The following FGGY variants were observed in gnomAD, a reference collection of about 807,000 sequenced individuals.
FGGY encodes the protein FGGY carbohydrate kinase domain-containing protein.
FGGY carries 72 observed loss-of-function variants against 71.3 expected under a neutral mutation model. The observed-to-expected ratio is 1.01, with a 90% CI of 0.84 to 1.23. The LOEUF is 1.23. Ranked by LOEUF, FGGY falls within the 50% of genes most tolerant of loss-of-function variation. The probability of loss-of-function intolerance (pLI) is 0.00; values close to 1 mark genes in which losing one functional copy is unlikely to be tolerated. For synonymous variants in FGGY, 251 were observed against 250.3 expected (o/e 1.00, Z -0.02); for missense variants, 668 against 682.3 (o/e 0.98, Z 0.23).
At chr1:59,673,578 T>A (rs1238268556) in intron 13 of FGGY, 1 of 164,586 alleles carries the variant, frequency 6.1e-6, no homozygotes, top group Non-Finnish European at 1.3e-5. Flanking sequence ...TGCTATCTCC[T>A]TTCCCTTAGC....
At chr1:59,589,223 T>C (rs551588453) in intron 8 of FGGY, among the ~76,000 whole-genome samples, 5 of 147,934 alleles carry the variant, frequency 3.4e-5, no homozygotes, top group African/African-American at 1.0e-4. Flanking sequence ...AGGGATCAAT[T>C]CAACAAGAGC....
At chr1:59,586,858 G>A (rs11207484) in intron 8 of FGGY, among the ~76,000 whole-genome samples, 3,980 of 152,140 alleles carry the variant, frequency 0.026, 172 homozygotes, top group African/African-American at 0.091. Flanking sequence ...AGCTCCCAGC[G>A]TGAGTGACGC....
intron 11 of FGGY, among the ~76,000 whole-genome samples, chr1:59,655,185 G>A (rs1490982905): frequency 6.6e-6 from 1 of 152,178 alleles, no homozygotes. Context: ...AAATGAATGG[G>A]ATTGAGCCTT....
At chr1:59,447,812 T>G (rs529792828) in intron 5 of FGGY, among the ~76,000 whole-genome samples, 1 of 152,330 alleles carries the variant, frequency 6.6e-6, no homozygotes, top group African/African-American at 2.4e-5. Flanking sequence ...CCTCTTTTTC[T>G]TTATAAATTA....
At chr1:59,467,524 AC>A (rs1265265073) in intron 6 of FGGY, among the ~76,000 whole-genome samples, 2 of 151,964 alleles carry the variant, frequency 1.3e-5, no homozygotes, top group African/African-American at 2.4e-5. Flanking sequence ...AACCTATTAT[AC>A]TTTTCCCTTC....
chr1:59,706,752 T>C (rs1360956587), intron 14 of FGGY, among the ~76,000 whole-genome samples: 2 of 152,226 alleles, frequency 1.3e-5, no homozygotes, highest in Non-Finnish European at 2.9e-5. Context: ...TCCACACTCT[T>C]AGCCCTGTGA....
intron 14 of FGGY, among the ~76,000 whole-genome samples, chr1:59,684,858 T>C (rs902049187): frequency 6.6e-6 from 1 of 152,236 alleles, no homozygotes; most frequent in Non-Finnish European, 1.5e-5. Context: ...CCATTGAGTT[T>C]CTGCAAAGAT....
chr1:59,653,451 C>G (rs558875807), intron 11 of FGGY, among the ~76,000 whole-genome samples: 1 of 152,174 alleles, frequency 6.6e-6, no homozygotes, highest in Non-Finnish European at 1.5e-5. Context: ...GATATAGTCT[C>G]GTGGTTCGCC....
At chr1:59,534,133 T>C (rs1238052940) in intron 7 of FGGY, among the ~76,000 whole-genome samples, 1 of 151,930 alleles carries the variant, frequency 6.6e-6, no homozygotes, top group East Asian at 1.9e-4. Context: ...GAGAAGTGCT[T>C]AAAGGAGCTG....
chr1:59,651,707 A>G lies in FGGY; in HGVS notation c.1222-8512A>G, dbSNP rs372183742. 9.3e-5 allele frequency among the ~76,000 whole-genome samples: 14 copies of G among 150,870 alleles called. No individual in the cohort carries two copies. The East Asian group carries it at 1.4e-3, about 15-fold the overall frequency. On this transcript the variant is annotated intron_variant, in intron 11 of 15. Transcript: ENST00000303721. ...CTGATGGTTCTTGACTCTTTATCCA[A>G]TTTGCCAGTCTGTGTCTTTCAATTG...
At chr1:59,478,071 T>C (rs2093336802) in intron 6 of FGGY, among the ~76,000 whole-genome samples, 2 of 152,138 alleles carry the variant, frequency 1.3e-5, no homozygotes. Flanking sequence ...TTACCTAACC[T>C]CCGAAGGCCA....
At chr1:59,574,686 T>TTA (rs1558401419) in intron 8 of FGGY, among the ~76,000 whole-genome samples, 1 of 152,180 alleles carries the variant, frequency 6.6e-6, no homozygotes, top group Non-Finnish European at 1.5e-5. Flanking sequence ...AAATTTCTGT[T>TTA]TAGTGATTTT....
chr1:59,549,075 C>T (rs72917728), intron 7 of FGGY, among the ~76,000 whole-genome samples: 1,600 of 152,230 alleles, frequency 0.011, 26 homozygotes, highest in African/African-American at 0.036. Flanking sequence ...TCAGTGTCTG[C>T]GTGTATGTAG....
chr1:59,721,633 C>T (rs1273415515), intron 14 of FGGY, among the ~76,000 whole-genome samples: 1 of 152,142 alleles, frequency 6.6e-6, no homozygotes, highest in Admixed American at 6.5e-5. Flanking sequence ...CCACCACACC[C>T]AGCAGATACA....
intron 8 of FGGY, among the ~76,000 whole-genome samples, chr1:59,569,823 A>G (rs1042792608): frequency 2.0e-5 from 3 of 152,170 alleles, no homozygotes; most frequent in Non-Finnish European, 4.4e-5. Context: ...AGACTCAAAG[A>G]AATTAAGTGA....
At chr1:59,547,534 A>G (rs1332730803) in intron 7 of FGGY, among the ~76,000 whole-genome samples, 2 of 152,204 alleles carry the variant, frequency 1.3e-5, no homozygotes, top group Non-Finnish European at 2.9e-5. Context: ...GGGACCTTGT[A>G]GAAGTTGCTT....
rs2050489833 is a variant in FGGY, at chr1:59,340,703, C to T, written c.313+634C>T. ...GTTGTCCCTTTTGGGGAATTTTAGC[C>T]AATAACGTTTGTACTGGGGTTACAA... On this transcript the variant is annotated intron_variant, in intron 3 of 15. Transcript: ENST00000303721. 2.0e-5 allele frequency among the ~76,000 whole-genome samples: 3 copies of T among 152,062 alleles called. No homozygotes were observed. The South Asian group carries it at 6.2e-4, about 32-fold the overall frequency.
At chr1:59,708,556 A>G (rs1021573908) in intron 14 of FGGY, among the ~76,000 whole-genome samples, 9 of 152,212 alleles carry the variant, frequency 5.9e-5, no homozygotes, top group Non-Finnish European at 1.5e-5. Context: ...TGATCACCTG[A>G]TACATGCTGA....
chr1:59,681,012 G>T (rs2097492416), intron 14 of FGGY: 1 of 152,048 alleles, frequency 6.6e-6, no homozygotes, highest in Non-Finnish European at 1.5e-5. Flanking sequence ...TGCCCTCTTT[G>T]GCATGGAAAT....
Sources: allele counts gnomAD v4.1 joint callset (sites outside exome capture counted in the v4.1 genomes callset), GRCh38; gene constraint gnomAD v4.1.1; transcripts MANE v1.5; gene names NCBI Gene and HGNC (gene_info 2026-07-23, HGNC 2026-07-21).